DEFB110: variants seen among roughly 807,000 people sequenced by gnomAD.
DEFB110 encodes the protein defensin beta 110.
Under a neutral mutation model 2.5 loss-of-function variants are expected in DEFB110, and 4 were observed. The ratio of observed to expected loss-of-function variants is 1.60; its 90% CI spans 0.79 to 3.66. DEFB110 has a LOEUF of 3.66. Among genes scored for constraint, DEFB110 ranks in the 30% most tolerant of loss-of-function variants. DEFB110 has a pLI of 0.01. For missense variants in DEFB110, 94 were observed against 75.4 expected, an observed-to-expected ratio of 1.25 and a Z score of -0.91; for synonymous variants, 29 against 21.8, an observed-to-expected ratio of 1.33 and a Z score of -0.92.
intron 1 of DEFB110, among the ~76,000 whole-genome samples, chr6:50,010,993 G>A: frequency 6.6e-6 from 1 of 151,568 alleles, no homozygotes; most frequent in East Asian, 1.9e-4. Flanking sequence ...GAGTTATGAG[G>A]AAATCTATAG....
Position 50,019,108 on chromosome 6 carries a change from C to G in DEFB110, c.73G>C (p.Glu25Gln), listed in dbSNP as rs199574970. 6.2e-7 allele frequency: 1 copy of G among 1,612,130 alleles called. No individual in the cohort carries two copies. Among genetic ancestry groups the G allele is most frequent in the East Asian group, 2.2e-5 (1 of 44,816 alleles). ...TILPAKKKYP[E>Q]YGSLDLRREC... Reference sequence around the variant, plus strand: ...CTCCTCAAGTCCAAGCTACCATACTCAGGATATTTCTTTTTGGCTGTAAGA... The same window carrying G: ...CTCCTCAAGTCCAAGCTACCATACTGAGGATATTTCTTTTTGGCTGTAAGA... The change falls in exon 2 of 2, where the codon GAG becomes CAG. Residue 25 changes from glutamate to glutamine, a missense_variant. Coordinates refer to ENST00000371148, the MANE Select transcript of DEFB110 (RefSeq NM_001037497.2).
chr6:50,018,222 T>G (rs778315350), downstream of DEFB110, among the ~76,000 whole-genome samples: 43 of 151,936 alleles, frequency 2.8e-4, 1 homozygote, highest in Non-Finnish European at 4.6e-4. Context: ...TGCTTCCTTT[T>G]GTCATGGATC....
chr6:50,011,369 G>A (rs1265333879), intron 1 of DEFB110, among the ~76,000 whole-genome samples: 1 of 151,904 alleles, frequency 6.6e-6, no homozygotes, highest in African/African-American at 2.4e-5. Flanking sequence ...CGCACATTTT[G>A]TACATCACTG....
At chr6:50,014,431 TTGTAAGA>T (rs1431450314), downstream of DEFB110, among the ~76,000 whole-genome samples, 1 of 151,832 alleles carries the variant, frequency 6.6e-6, no homozygotes, top group East Asian at 1.9e-4. Context: ...GGGAGGATTT[TTGTAAGA>T]TGAAAGAGAC....
At chr6:50,010,240 AT>A (rs34899802) in intron 1 of DEFB110, among the ~76,000 whole-genome samples, 1 of 152,024 alleles carries the variant, frequency 6.6e-6, no homozygotes, top group African/African-American at 2.4e-5. Flanking sequence ...TTTTGTTAAA[AT>A]TTAGAGAATG....
intron 1 of DEFB110, among the ~76,000 whole-genome samples, chr6:50,012,443 TA>T (rs1287222663): frequency 6.6e-6 from 1 of 151,972 alleles, no homozygotes; most frequent in African/African-American, 2.4e-5. Context: ...TATTATATAA[TA>T]AAAAACTCTA....
downstream of DEFB110, chr6:50,018,752 T>C: frequency 8.6e-7 from 1 of 1,168,192 alleles, no homozygotes; most frequent in Non-Finnish European, 1.1e-6. Flanking sequence ...GGAACTTGCA[T>C]AAAATAAGTC....
Position 50,021,181 on chromosome 6 carries a change from G to A in DEFB110, c.55+700C>T, listed in dbSNP as rs138724449. ...TGGATGCCAAGCTCAAGGGCATGGT[G>A]TCTCACTCTAAGCAATATTGATCTT... On this transcript the variant is annotated intron_variant, in intron 1 of 1. Transcript: ENST00000371148. Among the ~76,000 whole-genome samples, 7 of 152,240 alleles carry A rather than the reference G, an allele frequency of 4.6e-5. No homozygotes were observed. The East Asian group carries it at 9.7e-4, about 21-fold the overall frequency.
downstream of DEFB110, among the ~76,000 whole-genome samples, chr6:50,017,890 C>T (rs911940657): frequency 2.6e-5 from 4 of 151,706 alleles, no homozygotes; most frequent in African/African-American, 9.7e-5. Flanking sequence ...TAAGTCTGAC[C>T]TATATGTACT....
chr6:50,014,281 G>A (rs1228564915), downstream of DEFB110, among the ~76,000 whole-genome samples: 1 of 151,772 alleles, frequency 6.6e-6, no homozygotes, highest in Non-Finnish European at 1.5e-5. Context: ...TAATTGGTGT[G>A]AGTGAATTTA....
downstream of DEFB110, among the ~76,000 whole-genome samples, chr6:50,014,181 G>C (rs1324183154): frequency 6.6e-6 from 1 of 151,852 alleles, no homozygotes; most frequent in Non-Finnish European, 1.5e-5. Flanking sequence ...TCTAGCATGT[G>C]TTCAGAAGTC....
At position 50,021,936 on chromosome 6, in the gene DEFB110, G is replaced by A. The variant is rs774379002; in HGVS notation, c.-1C>T. 1.2e-5 allele frequency: 19 copies of A among 1,545,808 alleles called. No homozygotes were observed. The African/African-American group carries it at 1.9e-4, about 15-fold the overall frequency. ...TAAAGAAAAAAAGTTGAATCTTCAT[G>A]GTAGAGAGTTTCTTAAAAAAAGGGG... is the stretch of plus-strand genomic sequence containing the variant. On this transcript the variant is annotated 5_prime_UTR_variant, in exon 1 of 2. Coordinates refer to ENST00000371148, the MANE Select transcript of DEFB110 (RefSeq NM_001037497.2).
downstream of DEFB110, among the ~76,000 whole-genome samples, chr6:50,014,036 T>C (rs1183658487): frequency 1.3e-5 from 2 of 151,746 alleles, no homozygotes; most frequent in African/African-American, 4.8e-5. Flanking sequence ...GTCATTGGCA[T>C]TAACAAGATA....
At position 50,019,031 on chromosome 6, in the gene DEFB110, T is replaced by A. The variant is rs1483697603; in HGVS notation, c.150A>T (p.Glu50Asp). The change falls in exon 2 of 2, where the codon GAA becomes GAT. Residue 50 changes from glutamate to aspartate, a missense_variant. Physicochemically the swap from Glu to Asp is conservative, Grantham distance 45. Transcript: ENST00000371148. ...GTCTTATGCAGTAAGCAATCCTAAT[T>A]TCATTTTCATGACACTGATTTTTAC... ...GQCKNQCHEN[E>D]IRIAYCIRPG... 1 of 1,613,200 alleles carries A rather than the reference T, an allele frequency of 6.2e-7. No homozygotes were observed.
intron 1 of DEFB110, among the ~76,000 whole-genome samples, chr6:50,012,062 C>T (rs1774237066): frequency 6.6e-6 from 1 of 151,942 alleles, no homozygotes. Flanking sequence ...GCAGGTTGCT[C>T]TTATAGTGCT....
downstream of DEFB110, among the ~76,000 whole-genome samples, chr6:50,016,508 A>C (rs1369197234): frequency 6.6e-6 from 1 of 151,872 alleles, no homozygotes; most frequent in Non-Finnish European, 1.5e-5. Flanking sequence ...ACAATGTATC[A>C]GCAAGAAAAT....
Position 50,021,885 on chromosome 6 carries a change from T to A in DEFB110, c.51A>T (p.Leu17Phe), listed in dbSNP as rs746571991. Residue 17 changes from leucine (L) to phenylalanine (F), a missense_variant, in exon 1 of 2, where the codon TTA becomes TTT. Physicochemically the swap from Leu to Phe is conservative, Grantham distance 22 (BLOSUM62 0). Transcript: ENST00000371148. ...CCACAAATATTTGCATATTACCTGG[T>A]AAAATTGTGACCCAAAAGTGCAGAA... ...FFILHFWVTI[L>F]PAKKKYPEYG... 6.4e-7 allele frequency: 1 copy of A among 1,553,680 alleles called. No homozygotes were observed. Among genetic ancestry groups the A allele is most frequent in the East Asian group, 2.4e-5 (1 of 40,936 alleles).
rs1177194536 is a variant in DEFB110, at chr6:50,018,881, A to G, written c.*96T>C. ...ATTAATTTTTATTTAGTTCTTGTGT[A>G]TTATAGAGACACACACGCCTTGAAG... On this transcript the variant is annotated 3_prime_UTR_variant, in exon 2 of 2. Coordinates refer to ENST00000371148, the MANE Select transcript of DEFB110 (RefSeq NM_001037497.2). 1 of 1,474,866 alleles carries G rather than the reference A, an allele frequency of 6.8e-7. No individual in the cohort carries two copies. Among genetic ancestry groups the G allele is most frequent in the Non-Finnish European group, 8.9e-7 (1 of 1,119,492 alleles). The allele number at this position is 1,474,866 out of a possible 1,614,324, so 91.4% of individuals were successfully genotyped here.
At chr6:50,011,253 A>C (rs78239078) in intron 1 of DEFB110, among the ~76,000 whole-genome samples, 2,317 of 152,040 alleles carry the variant, frequency 0.015, 56 homozygotes, top group African/African-American at 0.053. Context: ...TGTCATCCAT[A>C]AGTGCATGAG....
Sources: allele counts gnomAD v4.1 joint callset (sites outside exome capture counted in the v4.1 genomes callset), GRCh38; gene constraint gnomAD v4.1.1; transcripts MANE v1.5; gene names NCBI Gene and HGNC (gene_info 2026-07-23, HGNC 2026-07-21).